The following DBF4B variants were observed in gnomAD, a reference collection of about 807,000 sequenced individuals.
DBF4B encodes DBF4B-CDC7 kinase regulatory subunit.
Under a neutral mutation model 53.4 loss-of-function variants are expected in DBF4B, and 49 were observed. The ratio of observed to expected loss-of-function variants is 0.92; its 90% confidence interval spans 0.73 to 1.16. The LOEUF (loss-of-function observed/expected upper bound fraction) is 1.16. Among genes scored for constraint, DBF4B ranks in the 50% most tolerant of loss-of-function variants. DBF4B has a pLI of 0.00. For synonymous variants in DBF4B, 257 were observed against 288.7 expected (o/e 0.89, Z 1.11); for missense variants, 692 against 775.0 (o/e 0.89, Z 1.27).
chr17:44,729,711 CA>C (rs1367205211), intron 3 of DBF4B, among the ~76,000 whole-genome samples, 193 bp from the exon 4 acceptor site: 10 of 151,732 alleles, frequency 6.6e-5, no homozygotes, highest in African/African-American at 2.4e-4. Flanking sequence ...CACACACACA[CA>C]CACACACACA....
rs1365053692 is a variant in DBF4B, at chr17:44,738,388, T to C, written c.677T>C (p.Leu226Pro). The change falls in exon 9 of 14, where the codon CTG becomes CCG. Residue 226 changes from leucine to proline, a missense_variant. Leu to Pro is a moderately conservative substitution (Grantham distance 98). Coordinates refer to ENST00000315005, the MANE Select transcript of DBF4B (RefSeq NM_145663.3). Reference protein sequence around the residue: ...AESRTRKVARLKAPFLKIEDE... With the variant: ...AESRTRKVARPKAPFLKIEDE... The stretch of plus-strand genomic sequence containing the variant: ...ATTCTTCCCCTTTCAGTGGCCAGAC[T>C]GAAGGCCCCGTTCCTCAAAATCGAA... 1.2e-6 allele frequency: 2 copies of C among 1,613,690 alleles called. No homozygotes were observed. The highest frequency in any genetic ancestry group is 1.7e-6 in the Non-Finnish European group (2 of 1,179,744).
At chr17:44,710,153 A>G (rs1053677606) in intron 2 of DBF4B, among the ~76,000 whole-genome samples, 1 of 151,992 alleles carries the variant, frequency 6.6e-6, no homozygotes, top group African/African-American at 2.4e-5. Flanking sequence ...AACCTGGGCG[A>G]CCGAGCGAGA....
In DBF4B at chr17:44,723,031, C is replaced by G; in HGVS notation, c.225+9C>G. ...TTCAGCAACTGGGTGGGGTAGGTAA[C>G]CTGCTCTTCTCCTGCGATGCCATGT... On this transcript the variant is annotated intron_variant, in intron 3 of 13. Coordinates refer to ENST00000315005, the MANE Select transcript of DBF4B (RefSeq NM_145663.3). The G allele has an allele frequency of 6.2e-7, 1 of 1,613,834 alleles. No homozygotes were observed. Among genetic ancestry groups the G allele is most frequent in the Non-Finnish European group, 8.5e-7 (1 of 1,179,830 alleles).
At chr17:44,743,343 T>C (rs1021360810) in intron 10 of DBF4B, among the ~76,000 whole-genome samples, 4 of 152,250 alleles carry the variant, frequency 2.6e-5, no homozygotes, top group Non-Finnish European at 5.9e-5. Context: ...TTTTACATTT[T>C]TGAAATCATT....
intron 3 of DBF4B, among the ~76,000 whole-genome samples, chr17:44,728,994 G>T (rs1466556792): frequency 6.6e-6 from 1 of 152,042 alleles, no homozygotes; most frequent in African/African-American, 2.4e-5. Flanking sequence ...TACTTGGGAG[G>T]CTGAGGCAGG....
chr17:44,738,446 T>G, intron 9 of DBF4B, 22 bp downstream of exon 9: 3 of 1,612,600 alleles, frequency 1.9e-6, no homozygotes, highest in Non-Finnish European at 2.5e-6. Context: ...CTCCTTTCTC[T>G]GCTTGCCCCA....
intron 7 of DBF4B, among the ~76,000 whole-genome samples, chr17:44,735,708 G>C (rs114458906): frequency 0.02 from 3,118 of 152,182 alleles, 63 homozygotes; most frequent in Admixed American, 0.048. Context: ...ATATCTAGCA[G>C]TGAAGTGAGT....
In DBF4B at chr17:44,751,194, G is replaced by A. The variant is rs1393516664; in HGVS notation, c.1789G>A (p.Gly597Ser). The change falls in exon 14 of 14, where the codon GGC (glycine) becomes AGC (serine). Residue 597 changes from glycine to serine, a missense_variant. Around this residue, in one of 3 missense-constraint regions of DBF4B, gnomAD observed 597 missense variants for 665.8 expected, o/e 0.90. Transcript: ENST00000315005. ...LGHLCQAKPQ[G>S]WNTPQPFLHC... ...ACATCTCTGCCAGGCCAAACCCCAA[G>A]GCTGGAACACTCCTCAGCCATTTCT... 1 of 1,614,010 alleles carries A rather than the reference G, an allele frequency of 6.2e-7. No individual in the cohort carries two copies. Among genetic ancestry groups the A allele is most frequent in the South Asian group, 1.1e-5 (1 of 91,072 alleles).
In DBF4B at chr17:44,708,801, C is replaced by G; in HGVS notation, c.-20C>G. 6.4e-7 allele frequency: 1 copy of G among 1,550,452 alleles called. No individual in the cohort carries two copies. Reference sequence around the variant, plus strand: ...GCCTCTGAGGAAGGAGTACGGAGGCCGAGAAGGAGCCGGCATTTGATGAGC... The same window carrying G: ...GCCTCTGAGGAAGGAGTACGGAGGCGGAGAAGGAGCCGGCATTTGATGAGC... On this transcript the variant is annotated 5_prime_UTR_variant, in exon 1 of 14. Transcript: ENST00000315005.
rs768979074 is a variant in DBF4B, at chr17:44,730,033, A to G, written c.354A>G (p.Glu118=). 11 of 1,613,316 alleles carry G rather than the reference A, an allele frequency of 6.8e-6. No homozygotes were observed. The highest frequency in any genetic ancestry group is 1.3e-5 in the African/African-American group (1 of 74,902). Residue 118 remains glutamate, a synonymous_variant, in exon 4 of 14, where the codon GAA becomes GAG. Coordinates refer to ENST00000315005, the MANE Select transcript of DBF4B (RefSeq NM_145663.3). The stretch of plus-strand genomic sequence containing the variant: ...CTAGCCCCAGTGAGGTCAGAGTGGA[A>G]ACATCGGCCATGGTTGATCCAAAAG... ...PSPSPSEVRV[E]TSAMVDPKGS...
In DBF4B at chr17:44,708,682, GA is replaced by G; in HGVS notation, c.-135del. On this transcript the variant is annotated 5_prime_UTR_variant, in exon 1 of 14. Coordinates refer to ENST00000315005, the MANE Select transcript of DBF4B (RefSeq NM_145663.3). ...GGAAATTTAAACTGAAGCCGCGGCCGAAAACGCCAAGAGATTGATGCTGTAG... is the reference window on the plus strand; with the variant it reads ...GGAAATTTAAACTGAAGCCGCGGCCGAAACGCCAAGAGATTGATGCTGTAG... The G allele has an allele frequency of 9.4e-7, 1 of 1,059,308 alleles. No individual in the cohort carries two copies. The highest frequency in any genetic ancestry group is 1.3e-6 in the Non-Finnish European group (1 of 775,840). The allele number at this position is 1,059,308 out of a possible 1,614,324, so 65.6% of individuals were successfully genotyped here.
chr17:44,747,236 G>A (rs1272424775), intron 11 of DBF4B, 45 bp downstream of exon 11: 2 of 1,607,804 alleles, frequency 1.2e-6, no homozygotes, highest in African/African-American at 2.7e-5. Flanking sequence ...AGTGCCCTGA[G>A]GGAGCCTGCT....
At position 44,751,090 on chromosome 17, in the gene DBF4B, C is replaced by T; in HGVS notation, c.1685C>T (p.Ser562Leu). 1 of 1,614,170 alleles carries T rather than the reference C, an allele frequency of 6.2e-7. No homozygotes were observed. The highest frequency in any genetic ancestry group is 8.5e-7 in the Non-Finnish European group (1 of 1,180,032). ...LWCRVRVPSLSTAGPIPRTSH... is the reference protein window; with the variant it reads ...LWCRVRVPSLLTAGPIPRTSH... ...TGCCGGGTTCGGGTGCCCTCATTGT[C>T]AACTGCAGGACCCATTCCCCGAACC... Residue 562 changes from serine to leucine, a missense_variant, in exon 14 of 14, where the codon TCA becomes TTA. Physicochemically the swap from Ser to Leu is moderately radical, Grantham distance 145 (BLOSUM62 -2). Transcript: ENST00000315005.
chr17:44,749,834 A>C lies in DBF4B; in HGVS notation c.1190-761A>C. 1 of 1,027,712 alleles carries C rather than the reference A, an allele frequency of 9.7e-7. No individual in the cohort carries two copies. Among genetic ancestry groups the C allele is most frequent in the South Asian group, 3.9e-5 (1 of 25,954 alleles). The allele number at this position is 1,027,712 out of a possible 1,614,324, so 63.7% of individuals were successfully genotyped here. A position where few individuals can be genotyped will look rare whatever the true frequency, so the allele number is the denominator to read the frequency against. ...ACCCCCAACCCCGGCCTCCTTTCTCACGAGCATGTGGCCGCTCCTGCTTTC... is the reference window on the plus strand; with the variant it reads ...ACCCCCAACCCCGGCCTCCTTTCTCCCGAGCATGTGGCCGCTCCTGCTTTC... On this transcript the variant is annotated intron_variant, in intron 13 of 13. Coordinates refer to ENST00000315005, the MANE Select transcript of DBF4B (RefSeq NM_145663.3). The surrounding 1 kb of genome is among the most constrained non-coding windows in gnomAD (Gnocchi z 4.4).
Position 44,749,364 on chromosome 17 carries a change from G to C in DBF4B, c.1189+899G>C, listed in dbSNP as rs1379235629. On this transcript the variant is annotated intron_variant, in intron 13 of 13. Transcript: ENST00000315005. The surrounding 1 kb of genome is among the most constrained non-coding windows in gnomAD (Gnocchi z 4.4). ...AGGGCCAGGCAGCTCCAGATTGAAG[G>C]GCCACAGATACAACTTACTCCTCTG... 1.6e-6 allele frequency: 2 copies of C among 1,289,506 alleles called. No homozygotes were observed. The highest frequency in any genetic ancestry group is 2.0e-6 in the Non-Finnish European group (2 of 988,878). 79.9% of individuals were successfully genotyped at this position (1,289,506 alleles called of 1,614,324 possible). A position where few individuals can be genotyped will look rare whatever the true frequency, so the allele number is the denominator to read the frequency against.
chr17:44,721,905 C>T (rs2960055), intron 2 of DBF4B, among the ~76,000 whole-genome samples: 12,966 of 151,612 alleles, frequency 0.086, 603 homozygotes, highest in East Asian at 0.14. Flanking sequence ...GAGGCCGAGG[C>T]GAGCAGATCA....
intron 5 of DBF4B, 100 bp downstream of exon 5, chr17:44,731,115 C>A: frequency 7.6e-7 from 1 of 1,319,580 alleles, no homozygotes; most frequent in African/African-American, 1.4e-5. Context: ...ACAAAATGCA[C>A]ACTCTGCGAT....
rs1461595380 is a variant in DBF4B, at chr17:44,751,626, G to C, written c.*373G>C. Reference sequence around the variant, plus strand: ...CCTGGAAAACACTTGAGTTGATTCAGTAAATCGACTTCAAATACTTGAAGG... The same window carrying C: ...CCTGGAAAACACTTGAGTTGATTCACTAAATCGACTTCAAATACTTGAAGG... On this transcript the variant is annotated 3_prime_UTR_variant, in exon 14 of 14. Transcript: ENST00000315005. The C allele has an allele frequency of 1.5e-6, 2 of 1,366,296 alleles. No homozygotes were observed. The highest frequency in any genetic ancestry group is 1.9e-6 in the Non-Finnish European group (2 of 1,059,342). The allele number at this position is 1,366,296 out of a possible 1,614,324, so 84.6% of individuals were successfully genotyped here.
At chr17:44,730,873 C>T (rs1974773503) in intron 4 of DBF4B, 92 bp from the exon 5 acceptor site, 13 of 1,368,134 alleles carry the variant, frequency 9.5e-6, no homozygotes, top group Non-Finnish European at 1.2e-5. Context: ...GACATAACCC[C>T]AAGACATAAC....
Sources: gnomAD v4.1 joint callset for allele counts (sites outside exome capture counted in the v4.1 genomes callset) on GRCh38, gnomAD v4.1.1 for gene constraint, gnomAD v4.1.1 regional missense constraint, Gnocchi (gnomAD v3.1) non-coding constraint, MANE v1.5 for transcripts, NCBI Gene and HGNC (gene_info 2026-07-23, HGNC 2026-07-21) for gene names.